The following FOXO1 variants were observed in gnomAD, a reference collection of about 807,000 sequenced individuals.
The protein encoded by FOXO1 is forkhead box protein O1.
A neutral mutation model predicts 44.1 loss-of-function variants in FOXO1; 6 were observed. The observed-to-expected ratio is 0.14, with a 90% confidence interval of 0.07 to 0.27. FOXO1 has a LOEUF of 0.27. Ranked by LOEUF, FOXO1 falls within the 10% of genes least tolerant of loss-of-function variation. The probability of loss-of-function intolerance (pLI) is 1.00; values close to 1 mark genes in which losing one functional copy is unlikely to be tolerated. For missense variants in FOXO1, 737 were observed against 888.8 expected (o/e 0.83, Z 2.17); for synonymous variants, 380 against 362.7 (o/e 1.05, Z -0.54).
At chr13:40,652,625 T>C (rs572357604) in intron 1 of FOXO1, among the ~76,000 whole-genome samples, 48 of 152,334 alleles carry the variant, frequency 3.2e-4, no homozygotes, top group African/African-American at 1.1e-3. Flanking sequence ...CATGCCTATC[T>C]TGATGTTACT....
At chr13:40,567,240 C>T (rs1252438508) in intron 1 of FOXO1, among the ~76,000 whole-genome samples, 1 of 152,006 alleles carries the variant, frequency 6.6e-6, no homozygotes, top group Non-Finnish European at 1.5e-5. Context: ...TAATGCAAAA[C>T]CTCAACTTAA....
At chr13:40,574,874 A>C (rs1390173518) in intron 1 of FOXO1, among the ~76,000 whole-genome samples, 3 of 152,222 alleles carry the variant, frequency 2.0e-5, no homozygotes, top group African/African-American at 7.2e-5. Context: ...ATCACACATA[A>C]TAAATAGCCA....
intron 1 of FOXO1, among the ~76,000 whole-genome samples, chr13:40,652,639 G>C (rs1488217217): frequency 6.6e-6 from 1 of 152,158 alleles, no homozygotes; most frequent in Non-Finnish European, 1.5e-5. Context: ...TGTTACTTAT[G>C]CAACTCTATC....
intron 1 of FOXO1, among the ~76,000 whole-genome samples, chr13:40,607,329 T>A (rs186307789): frequency 4.6e-5 from 7 of 152,244 alleles, no homozygotes; most frequent in Non-Finnish European, 8.8e-5. Context: ...CTTGCTTGGA[T>A]GAACACTCCC....
chr13:40,569,917 C>T (rs550618401), intron 1 of FOXO1, among the ~76,000 whole-genome samples: 9 of 152,196 alleles, frequency 5.9e-5, no homozygotes, highest in African/African-American at 2.2e-4. Context: ...GGACTGATGA[C>T]AAATTATATC....
rs1204685822 is a variant in FOXO1, at chr13:40,558,926, T to TG, written c.*122dup. 2.0e-5 allele frequency: 7 copies of TG among 342,856 alleles called. No homozygotes were observed. In the East Asian group the frequency reaches 2.7e-4, roughly 13 times the overall value. 21.2% of individuals were successfully genotyped at this position (342,856 alleles called of 1,614,324 possible). On this transcript the variant is annotated 3_prime_UTR_variant, in exon 3 of 3. Coordinates refer to ENST00000379561, the MANE Select transcript of FOXO1 (RefSeq NM_002015.4). ...AGGAAAAAAGGAGGGTTTTTTTTTT[T>TG]GTTTTTTTTTTTAACCAAGAAAACT...
Position 40,629,292 on chromosome 13 carries a change from G to A in FOXO1, c.630+36291C>T, listed in dbSNP as rs184122857. ...CGAGTAGCTGGGATTACAGGCATGC[G>A]CCACCACGCCCAGCTAATTTTGTAT... On this transcript the variant is annotated intron_variant, in intron 1 of 2. Transcript: ENST00000379561. Among the ~76,000 whole-genome samples, 395 of 152,254 alleles carry A rather than the reference G, an allele frequency of 2.6e-3. 4 individuals carry two copies. The highest frequency in any genetic ancestry group is 9.0e-3 in the African/African-American group (375 of 41,554).
At position 40,633,776 on chromosome 13, in the gene FOXO1, T is replaced by C. The variant is rs939160170; in HGVS notation, c.630+31807A>G. 3.9e-5 allele frequency among the ~76,000 whole-genome samples: 6 copies of C among 152,210 alleles called. No individual in the cohort carries two copies. The East Asian group carries it at 1.2e-3, about 29-fold the overall frequency. ...GAATTAGATCTCAATAAAGCTATTA[T>C]TAAAAATAGAATGTAGATTTCTTTA... On this transcript the variant is annotated intron_variant, in intron 1 of 2. Transcript: ENST00000379561.
chr13:40,648,963 T>G (rs916716865), intron 1 of FOXO1, among the ~76,000 whole-genome samples: 1 of 152,238 alleles, frequency 6.6e-6, no homozygotes, highest in African/African-American at 2.4e-5. Context: ...ATGTGCCTTG[T>G]GCAGGTCTGC....
chr13:40,577,360 C>T lies in FOXO1; in HGVS notation c.631-16500G>A, dbSNP rs114037385. On this transcript the variant is annotated intron_variant, in intron 1 of 2. Transcript: ENST00000379561. Reference sequence around the variant, plus strand: ...CCTTTCTTCTTCCACCAGCCAGATGCCCTGACCTCTAACTGCTTCCTTTCC... The same window carrying T: ...CCTTTCTTCTTCCACCAGCCAGATGTCCTGACCTCTAACTGCTTCCTTTCC... Among the ~76,000 whole-genome samples, 1,029 of 152,298 alleles carry T rather than the reference C, an allele frequency of 6.8e-3. 13 individuals carry two copies. Among genetic ancestry groups the T allele is most frequent in the African/African-American group, 0.023 (958 of 41,550 alleles).
intron 1 of FOXO1, among the ~76,000 whole-genome samples, chr13:40,587,214 A>T (rs1373401919): frequency 6.6e-6 from 1 of 151,330 alleles, no homozygotes; most frequent in African/African-American, 2.4e-5. Context: ...TTCTTCCCAA[A>T]GGCACGTGTA....
intron 1 of FOXO1, among the ~76,000 whole-genome samples, chr13:40,659,751 G>A (rs543694205): frequency 1.3e-5 from 2 of 152,226 alleles, no homozygotes; most frequent in East Asian, 1.9e-4. Context: ...AACTATTGGC[G>A]GTGCTTAACC....
At chr13:40,639,065 G>A (rs559183004) in intron 1 of FOXO1, among the ~76,000 whole-genome samples, 13 of 152,202 alleles carry the variant, frequency 8.5e-5, no homozygotes, top group African/African-American at 2.4e-4. Flanking sequence ...GTGGTGGTGC[G>A]TGCCTGTAAT....
intron 1 of FOXO1, among the ~76,000 whole-genome samples, chr13:40,653,649 C>T (rs1463249491): frequency 6.6e-6 from 1 of 152,202 alleles, no homozygotes; most frequent in Non-Finnish European, 1.5e-5. Flanking sequence ...GAGGATTAAT[C>T]ATGCGCATTG....
chr13:40,582,161 T>G (rs530740980), intron 1 of FOXO1, among the ~76,000 whole-genome samples: 2 of 152,256 alleles, frequency 1.3e-5, no homozygotes, highest in Non-Finnish European at 2.9e-5. Flanking sequence ...AATTTTTGTT[T>G]CCCTGTGCAT....
At chr13:40,573,684 G>C (rs1261720085) in intron 1 of FOXO1, among the ~76,000 whole-genome samples, 1 of 152,074 alleles carries the variant, frequency 6.6e-6, no homozygotes, top group Non-Finnish European at 1.5e-5. Flanking sequence ...AACCTCCAAA[G>C]ACCAAAACAA....
chr13:40,598,297 G>A (rs1875671752), intron 1 of FOXO1, among the ~76,000 whole-genome samples: 1 of 152,090 alleles, frequency 6.6e-6, no homozygotes, highest in African/African-American at 2.4e-5. Flanking sequence ...GGGCAGGATG[G>A]TAGTTTTTAG....
chr13:40,660,895 G>C (rs368376589), intron 1 of FOXO1, among the ~76,000 whole-genome samples: 1 of 152,012 alleles, frequency 6.6e-6, no homozygotes, highest in East Asian at 1.9e-4. Context: ...AGTGAGCTGA[G>C]ATCAAGCCAC....
intron 1 of FOXO1, among the ~76,000 whole-genome samples, chr13:40,654,480 G>A (rs947512783): frequency 3.9e-4 from 56 of 142,102 alleles, no homozygotes; most frequent in African/African-American, 1.2e-3. Flanking sequence ...CAGCCTGGGC[G>A]ACAGAGCGAG....
Sources: allele counts gnomAD v4.1 joint callset (sites outside exome capture counted in the v4.1 genomes callset), GRCh38; gene constraint gnomAD v4.1.1; transcripts MANE v1.5; gene names NCBI Gene and HGNC (gene_info 2026-07-23, HGNC 2026-07-21).